The following TRAPPC9 variants were observed in gnomAD, a reference collection of about 807,000 sequenced individuals.
TRAPPC9 encodes the protein IKK2 binding protein.
Under a neutral mutation model 124.0 loss-of-function variants are expected in TRAPPC9, and 83 were observed. The ratio of observed to expected loss-of-function variants is 0.67; its 90% CI spans 0.56 to 0.80. TRAPPC9 has a LOEUF of 0.80. Among genes scored for constraint, TRAPPC9 ranks in the 30% least tolerant of loss-of-function variants. The probability of loss-of-function intolerance (pLI) is 0.00; values close to 1 mark genes in which losing one functional copy is unlikely to be tolerated. For missense variants in TRAPPC9, 1,302 were observed against 1,508.3 expected, an observed-to-expected ratio of 0.86 and a Z score of 2.27; for synonymous variants, 638 against 617.5, an observed-to-expected ratio of 1.03 and a Z score of -0.49.
In TRAPPC9 at chr8:139,910,156, G is replaced by C. The variant is rs777874277; in HGVS notation, c.2955C>G (p.Cys985Trp). Residue 985 changes from cysteine (C) to tryptophan (W), a missense_variant, in exon 20 of 23, where the codon TGC (cysteine) becomes TGG (tryptophan). Around this residue, in one of 3 missense-constraint regions of TRAPPC9, gnomAD observed 640 missense variants for 679.3 expected, o/e 0.94. Coordinates refer to ENST00000438773, the MANE Select transcript of TRAPPC9 (RefSeq NM_001160372.4). ...CCCTGGAAAAGGATATGATTCTCCA[G>C]CAGATGCCCAGCTTGCTGTGGATCT... ...GLEIHSKLGI[C>W]WRIPSLKRSG... The C allele has an allele frequency of 2.5e-6, 4 of 1,613,944 alleles. No homozygotes were observed. The highest frequency in any genetic ancestry group is 2.2e-5 in the East Asian group (1 of 44,834).
At chr8:140,131,280 T>C (rs2061204349) in intron 17 of TRAPPC9, among the ~76,000 whole-genome samples, 1 of 152,342 alleles carries the variant, frequency 6.6e-6, no homozygotes, top group South Asian at 2.1e-4. Context: ...TCAAGGTTCT[T>C]GATACATAAA....
intron 17 of TRAPPC9, among the ~76,000 whole-genome samples, chr8:140,210,419 G>GGCT (rs1387032749): frequency 2.0e-5 from 3 of 152,164 alleles, no homozygotes; most frequent in Admixed American, 6.5e-5. Flanking sequence ...ACACTGTGGC[G>GGCT]GCTGCTGCTG....
At position 139,847,572 on chromosome 8, in the gene TRAPPC9, G is replaced by A. The variant is rs561623729; in HGVS notation, c.3055+38307C>T. ...GCACGAGCACCTGTCCCCTGGCGGCGTGGCCTGCAGATGGGCACGAGCACC... is the reference window on the plus strand; with the variant it reads ...GCACGAGCACCTGTCCCCTGGCGGCATGGCCTGCAGATGGGCACGAGCACC... On this transcript the variant is annotated intron_variant, in intron 21 of 22. Transcript: ENST00000438773. Among the ~76,000 whole-genome samples, 13 of 129,614 alleles carry A rather than the reference G, an allele frequency of 1.0e-4. No individual in the cohort carries two copies. In the South Asian group the frequency reaches 2.4e-3, roughly 24 times the overall value. 85.0% of individuals were successfully genotyped at this position (129,614 alleles called of 152,430 possible). A position where few individuals can be genotyped will look rare whatever the true frequency, so the allele number is the denominator to read the frequency against.
intron 17 of TRAPPC9, among the ~76,000 whole-genome samples, chr8:140,173,239 AAACTAG>A (rs1401898149): frequency 6.6e-5 from 10 of 152,332 alleles, no homozygotes; most frequent in South Asian, 4.1e-4. Context: ...GTGGAATCAC[AAACTAG>A]AACCCTTGGA....
rs111411367 is a variant in TRAPPC9, at chr8:140,299,566, C to T, written c.1768+903G>A. ...GGAGGCCCCGGCAGTCGCCAAGCAGCGGCCAGCCTCCAGGCCCTCAAGGTT... is the reference window on the plus strand; with the variant it reads ...GGAGGCCCCGGCAGTCGCCAAGCAGTGGCCAGCCTCCAGGCCCTCAAGGTT... On this transcript the variant is annotated intron_variant, in intron 11 of 22. Transcript: ENST00000438773. Among the ~76,000 whole-genome samples the T allele has an allele frequency of 8.0e-3, 1,223 of 152,374 alleles. 12 individuals carry two copies. Among genetic ancestry groups the T allele is most frequent in the African/African-American group, 0.028 (1,183 of 41,592 alleles).
chr8:140,162,557 A>G (rs996744142), intron 17 of TRAPPC9, among the ~76,000 whole-genome samples: 2 of 152,230 alleles, frequency 1.3e-5, no homozygotes, highest in African/African-American at 4.8e-5. Flanking sequence ...AACAAACTAT[A>G]TCGCCTGTCC....
intron 17 of TRAPPC9, among the ~76,000 whole-genome samples, chr8:140,129,376 T>C (rs1398218827): frequency 1.3e-5 from 2 of 152,058 alleles, no homozygotes; most frequent in Non-Finnish European, 2.9e-5. Flanking sequence ...CCTCAGGGCC[T>C]GAGCAGGGTA....
intron 19 of TRAPPC9, among the ~76,000 whole-genome samples, chr8:139,953,222 C>T (rs191825186): frequency 6.6e-5 from 10 of 152,300 alleles, no homozygotes; most frequent in East Asian, 1.9e-4. Context: ...CCAGGAGTTG[C>T]GGCTCACGCC....
At chr8:139,899,622 G>A (rs186483330) in intron 20 of TRAPPC9, among the ~76,000 whole-genome samples, 31 of 152,178 alleles carry the variant, frequency 2.0e-4, no homozygotes, top group Admixed American at 8.5e-4. Flanking sequence ...GAGCTATACC[G>A]GATACTCCCC....
intron 9 of TRAPPC9, among the ~76,000 whole-genome samples, chr8:140,328,801 G>A (rs1267423395): frequency 6.6e-6 from 1 of 152,116 alleles, no homozygotes; most frequent in Admixed American, 6.6e-5. Context: ...AGTCTAATTA[G>A]CATAGTTATA....
At chr8:139,812,949 A>G (rs945420586) in intron 21 of TRAPPC9, among the ~76,000 whole-genome samples, 1 of 152,226 alleles carries the variant, frequency 6.6e-6, no homozygotes, top group African/African-American at 2.4e-5. Context: ...GACAGCTGCT[A>G]GAAGGTTCTA....
chr8:140,108,035 A>T (rs954317416), intron 17 of TRAPPC9, among the ~76,000 whole-genome samples: 3 of 151,402 alleles, frequency 2.0e-5, no homozygotes, highest in Non-Finnish European at 2.9e-5. Context: ...ACGTGTGTTT[A>T]TACATAGACA....
At chr8:140,206,418 T>C (rs1209057527) in intron 17 of TRAPPC9, among the ~76,000 whole-genome samples, 1 of 152,204 alleles carries the variant, frequency 6.6e-6, no homozygotes, top group African/African-American at 2.4e-5. Context: ...AGCAATAATT[T>C]TCTTTATCAT....
intron 11 of TRAPPC9, among the ~76,000 whole-genome samples, chr8:140,293,631 T>G (rs1373859928): frequency 6.6e-6 from 1 of 151,612 alleles, no homozygotes; most frequent in African/African-American, 2.4e-5. Context: ...AACCAAACAC[T>G]GCATATTCTC....
At chr8:140,071,025 G>C (rs10109620) in intron 17 of TRAPPC9, among the ~76,000 whole-genome samples, 54,470 of 152,150 alleles carry the variant, frequency 0.36, 13,008 homozygotes, top group African/African-American at 0.68. Context: ...GCGTGCGATC[G>C]TTCTAGCATA....
chr8:139,741,693 C>A (rs1416952953), intron 21 of TRAPPC9, among the ~76,000 whole-genome samples: 4 of 152,114 alleles, frequency 2.6e-5, no homozygotes, highest in Non-Finnish European at 4.4e-5. Flanking sequence ...ACTCCACCCC[C>A]AGCCCTGGGC....
chr8:140,439,884 C>T (rs2070947200), intron 2 of TRAPPC9, among the ~76,000 whole-genome samples: 1 of 151,820 alleles, frequency 6.6e-6, no homozygotes, highest in African/African-American at 2.4e-5. Context: ...AGAAAAACTG[C>T]AGCTGGATTA....
chr8:140,396,224 C>T (rs1207179012), intron 7 of TRAPPC9, among the ~76,000 whole-genome samples: 1 of 148,688 alleles, frequency 6.7e-6, no homozygotes, highest in East Asian at 2.0e-4. Flanking sequence ...TCACTGCAAG[C>T]TCTGCCTCCC....
intron 17 of TRAPPC9, among the ~76,000 whole-genome samples, chr8:140,110,959 C>G (rs1464102611): frequency 5.6e-5 from 6 of 106,620 alleles, no homozygotes; most frequent in Admixed American, 2.9e-4. Context: ...GTAGCTCCCC[C>G]CTGCAGCCCC....
Sources: allele counts gnomAD v4.1 joint callset (sites outside exome capture counted in the v4.1 genomes callset), GRCh38; gene constraint gnomAD v4.1.1; regional missense constraint gnomAD v4.1.1; transcripts MANE v1.5; gene names NCBI Gene and HGNC (gene_info 2026-07-23, HGNC 2026-07-21).